GPHN: variants seen among roughly 807,000 people sequenced by gnomAD.
The protein encoded by GPHN is gephyrin.
GPHN carries 17 observed loss-of-function variants against 95.5 expected under a neutral mutation model. The observed-to-expected ratio is 0.18, with a 90% CI of 0.12 to 0.27. GPHN has a LOEUF of 0.27. Ranked by LOEUF, GPHN falls within the 10% of genes least tolerant of loss-of-function variation. The probability of loss-of-function intolerance (pLI) is 1.00; values close to 1 mark genes in which losing one functional copy is unlikely to be tolerated. For missense variants in GPHN, 660 were observed against 978.1 expected (o/e 0.67, Z 4.34); for synonymous variants, 320 against 322.5 (o/e 0.99, Z 0.08).
chr14:66,613,772 A>G (rs1210144329), intron 1 of GPHN, among the ~76,000 whole-genome samples: 1 of 152,072 alleles, frequency 6.6e-6, no homozygotes, highest in Admixed American at 6.6e-5. Flanking sequence ...TCTTGGATAA[A>G]TATTAGTATA....
the GPHN span, among the ~76,000 whole-genome samples, chr14:67,222,628 A>G: frequency 6.6e-6 from 1 of 152,074 alleles, no homozygotes; most frequent in Non-Finnish European, 1.5e-5. Flanking sequence ...TTTTCTTTAT[A>G]TATTGCCATG....
chr14:67,386,351 TTTAC>T, the GPHN span: 1 of 152,400 alleles, frequency 6.6e-6, no homozygotes, highest in Non-Finnish European at 1.5e-5. Flanking sequence ...AGAACAAATT[TTTAC>T]TTAAGCACTT....
chr14:67,592,754 G>A, the GPHN span: 1 of 1,227,236 alleles, frequency 8.1e-7, no homozygotes, highest in Non-Finnish European at 1.2e-6. Context: ...AAGTCTAAGT[G>A]AAACTCATTT....
the GPHN span, among the ~76,000 whole-genome samples, chr14:67,342,858 T>C: frequency 1.4e-3 from 209 of 152,186 alleles, 5 homozygotes; most frequent in East Asian, 0.023. Context: ...TAATAAAAAC[T>C]AAGTTTATTG....
At chr14:66,696,226 A>G (rs1292160745) in intron 2 of GPHN, among the ~76,000 whole-genome samples, 3 of 152,250 alleles carry the variant, frequency 2.0e-5, no homozygotes, top group Non-Finnish European at 4.4e-5. Context: ...AAAATTAACC[A>G]TAAAAGAGTA....
At chr14:66,796,971 A>G (rs534810212) in intron 3 of GPHN, among the ~76,000 whole-genome samples, 330 of 138,660 alleles carry the variant, frequency 2.4e-3, no homozygotes, top group African/African-American at 8.2e-3. Context: ...TAATTATTTA[A>G]TGCATTTTTA....
the GPHN span, chr14:67,397,889 G>C: frequency 1.4e-6 from 2 of 1,379,934 alleles, no homozygotes; most frequent in Non-Finnish European, 2.0e-6. Context: ...TGTTCAGGGA[G>C]GGGGTGTCTG....
At chr14:67,468,540 G>C in the GPHN span, among the ~76,000 whole-genome samples, 1 of 152,202 alleles carries the variant, frequency 6.6e-6, no homozygotes, top group Non-Finnish European at 1.5e-5. Flanking sequence ...TCTCCACCTA[G>C]TGTTGTTAGT....
At chr14:66,671,591 A>G (rs1022122832) in intron 1 of GPHN, among the ~76,000 whole-genome samples, 2 of 152,200 alleles carry the variant, frequency 1.3e-5, no homozygotes, top group African/African-American at 4.8e-5. Context: ...TGATTACATT[A>G]ATACCATGAA....
the GPHN span, among the ~76,000 whole-genome samples, chr14:67,629,405 TA>T: frequency 6.6e-6 from 1 of 152,184 alleles, no homozygotes; most frequent in African/African-American, 2.4e-5. Flanking sequence ...TTGAGGACAT[TA>T]TGCTAAGTGA....
At chr14:67,377,915 C>T in the GPHN span, among the ~76,000 whole-genome samples, 13 of 151,602 alleles carry the variant, frequency 8.6e-5, no homozygotes, top group African/African-American at 2.7e-4. Flanking sequence ...GGAGACCATC[C>T]TGGGCAGCAT....
At chr14:67,284,838 A>G in the GPHN span, among the ~76,000 whole-genome samples, 1 of 152,028 alleles carries the variant, frequency 6.6e-6, no homozygotes, top group Non-Finnish European at 1.5e-5. Context: ...TTTCTTTTTT[A>G]TGGATGAATT....
the GPHN span, among the ~76,000 whole-genome samples, chr14:67,448,470 A>G: frequency 6.6e-6 from 1 of 152,132 alleles, no homozygotes; most frequent in East Asian, 1.9e-4. Flanking sequence ...CCTATAAATG[A>G]ATTGATTGGA....
At chr14:66,920,450 A>G (rs1476648192) in intron 6 of GPHN, among the ~76,000 whole-genome samples, 2 of 151,596 alleles carry the variant, frequency 1.3e-5, no homozygotes, top group Non-Finnish European at 2.9e-5. Flanking sequence ...CTTCTTTCCT[A>G]TCTTTCCTGT....
intron 4 of GPHN, among the ~76,000 whole-genome samples, chr14:66,829,941 G>A (rs1415120364): frequency 6.6e-6 from 1 of 151,996 alleles, no homozygotes; most frequent in Non-Finnish European, 1.5e-5. Context: ...TTAAATGGCT[G>A]AAAAAATCAA....
chr14:66,894,685 C>G (rs1325496815), intron 5 of GPHN, among the ~76,000 whole-genome samples: 1 of 152,044 alleles, frequency 6.6e-6, no homozygotes, highest in Non-Finnish European at 1.5e-5. Flanking sequence ...ACCCCATCAA[C>G]AAGTGGGCGA....
the GPHN span, among the ~76,000 whole-genome samples, chr14:67,559,231 C>A: frequency 6.6e-6 from 1 of 151,686 alleles, no homozygotes; most frequent in African/African-American, 2.4e-5. Flanking sequence ...GTAACACATG[C>A]TTATAGTTAA....
the GPHN span, among the ~76,000 whole-genome samples, chr14:67,723,916 A>C: frequency 2.0e-5 from 3 of 152,340 alleles, no homozygotes; most frequent in South Asian, 2.1e-4. Context: ...TCTCTAATAC[A>C]ATGGCTGAAA....
Position 66,667,005 on chromosome 14 carries a change from A to G in GPHN, c.65-14102A>G, listed in dbSNP as rs77248337. 5.5e-3 allele frequency among the ~76,000 whole-genome samples: 835 copies of G among 152,316 alleles called. 10 individuals carry two copies. Among genetic ancestry groups the G allele is most frequent in the African/African-American group, 0.019 (792 of 41,568 alleles). ...CTATACATGAACAACAGTACAAGTG[A>G]GAGCCAGATCATAAACGTACTCCCC... On this transcript the variant is annotated intron_variant, in intron 1 of 22. Transcript: ENST00000478722.
Sources: gnomAD v4.1 joint callset for allele counts (sites outside exome capture counted in the v4.1 genomes callset) on GRCh38, gnomAD v4.1.1 for gene constraint, MANE v1.5 for transcripts, NCBI Gene and HGNC (gene_info 2026-07-23, HGNC 2026-07-21) for gene names.